WDFY2: variants seen among roughly 807,000 people sequenced by gnomAD.
WDFY2 encodes WD repeat and FYVE domain-containing protein 2.
In WDFY2, 36 loss-of-function variants were observed where a neutral mutation model predicts 56.4. That is an observed-to-expected ratio of 0.64 (90% CI 0.49 to 0.84). The LOEUF (loss-of-function observed/expected upper bound fraction) is 0.84. WDFY2 is among the 40% of genes least tolerant of loss of function. WDFY2 has a pLI of 0.00. For missense variants in WDFY2, 444 were observed against 512.2 expected, an observed-to-expected ratio of 0.87 and a Z score of 1.29; for synonymous variants, 176 against 183.7, an observed-to-expected ratio of 0.96 and a Z score of 0.34.
chr13:51,728,976 C>T (rs190268676), intron 6 of WDFY2, among the ~76,000 whole-genome samples: 1 of 152,318 alleles, frequency 6.6e-6, no homozygotes, highest in East Asian at 1.9e-4. Context: ...CTTCATTCCA[C>T]TTACTGTTTC....
intron 1 of WDFY2, among the ~76,000 whole-genome samples, chr13:51,653,160 T>A (rs528952688): frequency 6.6e-6 from 1 of 152,218 alleles, no homozygotes; most frequent in Non-Finnish European, 1.5e-5. Context: ...TCACTTGATC[T>A]TCCATCACTG....
intron 1 of WDFY2, among the ~76,000 whole-genome samples, chr13:51,659,146 C>T (rs973017020): frequency 1.3e-5 from 2 of 152,100 alleles, no homozygotes; most frequent in Admixed American, 6.5e-5. Context: ...AGGCTGGTTT[C>T]GAACTCCTGA....
chr13:51,747,119 A>G (rs1953121776), intron 7 of WDFY2, among the ~76,000 whole-genome samples: 1 of 152,254 alleles, frequency 6.6e-6, no homozygotes, highest in African/African-American at 2.4e-5. Context: ...GCTGTCCTTT[A>G]TTGAAGTCAC....
intron 10 of WDFY2, 197 bp downstream of exon 10, chr13:51,756,659 A>G (rs1232101395): frequency 1.0e-6 from 1 of 984,480 alleles, no homozygotes; most frequent in Non-Finnish European, 1.2e-6. Flanking sequence ...GAGAAAATAC[A>G]CTCAAAGAAT....
intron 3 of WDFY2, 89 bp downstream of exon 3, chr13:51,675,332 G>T: frequency 7.9e-7 from 1 of 1,258,924 alleles, no homozygotes; most frequent in Non-Finnish European, 1.1e-6. Context: ...CAAGTTAACA[G>T]AAGAATTTTC....
At chr13:51,755,485 A>T (rs376957794) in intron 9 of WDFY2, 26 bp downstream of exon 9, 7 of 1,600,992 alleles carry the variant, frequency 4.4e-6, no homozygotes, top group Non-Finnish European at 6.0e-6. Context: ...GCTTCATCAA[A>T]ATGTAATTAT....
intron 1 of WDFY2, among the ~76,000 whole-genome samples, chr13:51,601,767 G>C (rs74086216): frequency 2.6e-5 from 4 of 152,088 alleles, no homozygotes; most frequent in African/African-American, 4.8e-5. Flanking sequence ...CGGACTCCAC[G>C]CCCCTTCTAC....
intron 3 of WDFY2, among the ~76,000 whole-genome samples, chr13:51,690,658 G>A (rs958898251): frequency 1.4e-4 from 21 of 151,960 alleles, no homozygotes; most frequent in Admixed American, 1.2e-3. Context: ...ATAAACATAC[G>A]TGTGCATGTG....
intron 4 of WDFY2, among the ~76,000 whole-genome samples, chr13:51,711,722 A>G (rs1952222549): frequency 6.6e-6 from 1 of 152,262 alleles, no homozygotes; most frequent in Admixed American, 6.5e-5. Flanking sequence ...AGAGAAATGC[A>G]AAACAAAATC....
Position 51,621,242 on chromosome 13 carries a change from C to T in WDFY2, c.137+36418C>T, listed in dbSNP as rs554136050. Among the ~76,000 whole-genome samples, 21 of 152,274 alleles carry T rather than the reference C, an allele frequency of 1.4e-4. No homozygotes were observed. The East Asian group carries it at 3.1e-3, about 22-fold the overall frequency. Reference sequence around the variant, plus strand: ...ATTCTTGGCCGGGCGCGGTGGCTCACGCCTGTAATCCCAGCACTTTGGGAG... The same window carrying T: ...ATTCTTGGCCGGGCGCGGTGGCTCATGCCTGTAATCCCAGCACTTTGGGAG... On this transcript the variant is annotated intron_variant, in intron 1 of 11. Transcript: ENST00000298125.
intron 3 of WDFY2, among the ~76,000 whole-genome samples, chr13:51,699,733 G>A (rs937931630): frequency 2.0e-5 from 3 of 152,236 alleles, no homozygotes; most frequent in Admixed American, 6.5e-5. Context: ...ATGGGGGTAG[G>A]TGAGAGAGTG....
chr13:51,648,021 G>T (rs1264720856), intron 1 of WDFY2, among the ~76,000 whole-genome samples: 3 of 152,294 alleles, frequency 2.0e-5, no homozygotes, highest in African/African-American at 7.2e-5. Context: ...CTGCTTAGTT[G>T]AACATGTGAG....
chr13:51,635,278 A>G (rs1955024282), intron 1 of WDFY2, among the ~76,000 whole-genome samples: 1 of 152,166 alleles, frequency 6.6e-6, no homozygotes, highest in Non-Finnish European at 1.5e-5. Context: ...GCAAGAGTTG[A>G]GAGAGAAATT....
Position 51,763,047 on chromosome 13 carries a change from A to T in WDFY2, c.*3278A>T, listed in dbSNP as rs562813882. On this transcript the variant is annotated 3_prime_UTR_variant, in exon 12 of 12. Coordinates refer to ENST00000298125, the MANE Select transcript of WDFY2 (RefSeq NM_052950.4). ...TTTTAATTATTTCCAGAAATCATAA[A>T]GTCACAAAACTGGAAGGGATCTTCA... 10 of 152,362 alleles carry T rather than the reference A, an allele frequency of 6.6e-5. No individual in the cohort carries two copies. In the South Asian group the frequency reaches 2.1e-3, roughly 32 times the overall value. 9.4% of individuals were successfully genotyped at this position (152,362 alleles called of 1,614,324 possible). A position where few individuals can be genotyped will look rare whatever the true frequency, so the allele number is the denominator to read the frequency against.
At chr13:51,685,227 TCA>T (rs1468045057) in intron 3 of WDFY2, among the ~76,000 whole-genome samples, 1 of 152,246 alleles carries the variant, frequency 6.6e-6, no homozygotes, top group Non-Finnish European at 1.5e-5. Flanking sequence ...GTAAGAATTC[TCA>T]CAGCCCTTAG....
intron 4 of WDFY2, among the ~76,000 whole-genome samples, chr13:51,708,162 G>A (rs1211846430): frequency 5.9e-5 from 9 of 151,538 alleles, no homozygotes; most frequent in Admixed American, 1.3e-4. Flanking sequence ...GATTACAGGC[G>A]TGAGCCACCA....
intron 1 of WDFY2, among the ~76,000 whole-genome samples, chr13:51,602,337 C>G (rs759504601): frequency 6.6e-6 from 1 of 152,122 alleles, no homozygotes; most frequent in Non-Finnish European, 1.5e-5. Context: ...GTTACAGTTG[C>G]CTATAGCATT....
Position 51,739,128 on chromosome 13 carries a change from G to GGAT in WDFY2, c.680_681insTGA (p.Asp227dup). 1 of 1,599,222 alleles carries GGAT rather than the reference G, an allele frequency of 6.3e-7. No individual in the cohort carries two copies. The highest frequency in any genetic ancestry group is 8.5e-7 in the Non-Finnish European group (1 of 1,173,132). On this transcript the variant is annotated inframe_insertion, in exon 7 of 12. Transcript: ENST00000298125. Reference sequence around the variant, plus strand: ...GTTCAGATCACTCTGTCATCATGTGGGACATCGGTGGGAGAAAAGGAACAG... The same window carrying GGAT: ...GTTCAGATCACTCTGTCATCATGTGGGATGACATCGGTGGGAGAAAAGGAACAG...
At chr13:51,710,248 T>C (rs548635142) in intron 4 of WDFY2, among the ~76,000 whole-genome samples, 1 of 152,214 alleles carries the variant, frequency 6.6e-6, no homozygotes, top group East Asian at 1.9e-4. Flanking sequence ...CCCTTCATGC[T>C]AAAAACTCTC....
Sources: allele counts gnomAD v4.1 joint callset (sites outside exome capture counted in the v4.1 genomes callset), GRCh38; gene constraint gnomAD v4.1.1; transcripts MANE v1.5; gene names NCBI Gene and HGNC (gene_info 2026-07-23, HGNC 2026-07-21).